ARFGEF2: variants seen among roughly 807,000 people sequenced by gnomAD.
ARFGEF2 encodes ARF guanine nucleotide exchange factor 2, also known as brefeldin A-inhibited guanine nucleotide-exchange protein 2.
In ARFGEF2, 74 loss-of-function variants were observed where a neutral mutation model predicts 219.9. The ratio of observed to expected loss-of-function variants is 0.34; its 90% CI spans 0.28 to 0.41. The LOEUF (loss-of-function observed/expected upper bound fraction) is 0.41, where lower values mean the gene tolerates loss of function less well. ARFGEF2 is among the 10% of genes least tolerant of loss of function. The probability of loss-of-function intolerance (pLI) is 1.00; values close to 1 mark genes in which losing one functional copy is unlikely to be tolerated. For missense variants in ARFGEF2, 1,743 were observed against 2,218.3 expected, an observed-to-expected ratio of 0.79 and a Z score of 4.30; for synonymous variants, 733 against 799.2, an observed-to-expected ratio of 0.92 and a Z score of 1.40.
chr20:48,935,939 G>T (rs1279308666), intron 1 of ARFGEF2, among the ~76,000 whole-genome samples: 2 of 130,668 alleles, frequency 1.5e-5, no homozygotes, highest in Non-Finnish European at 3.2e-5. Context: ...CGGCTGGCCG[G>T]GGGGGGGGGC....
chr20:48,924,789 A>T (rs995981413), intron 1 of ARFGEF2, among the ~76,000 whole-genome samples: 1 of 152,032 alleles, frequency 6.6e-6, no homozygotes, highest in Non-Finnish European at 1.5e-5. Flanking sequence ...GGGACCCTAG[A>T]CTTCTGTGTT....
chr20:48,929,148 G>A (rs1003525874), intron 1 of ARFGEF2, among the ~76,000 whole-genome samples: 2 of 152,198 alleles, frequency 1.3e-5, no homozygotes, highest in African/African-American at 4.8e-5. Flanking sequence ...TTTCCAGCAA[G>A]GTTATCCTAG....
At chr20:48,945,789 A>C (rs911629091) in intron 3 of ARFGEF2, among the ~76,000 whole-genome samples, 1 of 152,162 alleles carries the variant, frequency 6.6e-6, no homozygotes, top group East Asian at 1.9e-4. Flanking sequence ...GCTTGGGCCC[A>C]GGAGGTTGAG....
At chr20:48,989,171 G>C (rs1263190516) in intron 18 of ARFGEF2, 114 bp from the exon 19 acceptor site, 26 of 1,205,598 alleles carry the variant, frequency 2.2e-5, no homozygotes, top group Non-Finnish European at 2.9e-5. Flanking sequence ...ATGGACTCAC[G>C]AGATGGTTGG....
intron 16 of ARFGEF2, among the ~76,000 whole-genome samples, chr20:48,986,949 C>T (rs1431697710): frequency 3.9e-5 from 6 of 152,316 alleles, no homozygotes; most frequent in East Asian, 3.9e-4. Flanking sequence ...AAGGGATCCT[C>T]CTGCCTCAGC....
chr20:48,990,036 G>A (rs185392238), intron 20 of ARFGEF2, among the ~76,000 whole-genome samples: 6 of 152,218 alleles, frequency 3.9e-5, no homozygotes, highest in Admixed American at 1.3e-4. Flanking sequence ...AAAATTAGCC[G>A]GGTGTGGTGG....
intron 9 of ARFGEF2, 55 bp downstream of exon 9, chr20:48,969,332 G>A: frequency 6.2e-7 from 1 of 1,613,292 alleles, no homozygotes; most frequent in Non-Finnish European, 8.5e-7. Flanking sequence ...GCAGCACATG[G>A]TACTGTGTTT....
At chr20:48,925,828 C>T (rs1165505154) in intron 1 of ARFGEF2, among the ~76,000 whole-genome samples, 1 of 152,012 alleles carries the variant, frequency 6.6e-6, no homozygotes, top group Non-Finnish European at 1.5e-5. Context: ...CAGGGTGAGA[C>T]CCTCACACAA....
intron 25 of ARFGEF2, chr20:48,999,089 T>A: frequency 6.5e-6 from 2 of 308,478 alleles, no homozygotes; most frequent in South Asian, 5.3e-5. Context: ...TGCAAAAAAA[T>A]TAGCTGGGCG....
At chr20:48,979,743 A>G (rs1318789007) in intron 14 of ARFGEF2, among the ~76,000 whole-genome samples, 1 of 151,772 alleles carries the variant, frequency 6.6e-6, no homozygotes, top group East Asian at 1.9e-4. Context: ...TTGCTTCTAG[A>G]TTTTCTAGTT....
intron 9 of ARFGEF2, among the ~76,000 whole-genome samples, chr20:48,970,112 C>T (rs1016909578): frequency 6.6e-6 from 1 of 150,598 alleles, no homozygotes; most frequent in Non-Finnish European, 1.5e-5. Context: ...GCCAGGAGTT[C>T]GAGACCAGCC....
intron 1 of ARFGEF2, among the ~76,000 whole-genome samples, chr20:48,925,344 C>T (rs992807595): frequency 2.0e-5 from 3 of 152,158 alleles, no homozygotes; most frequent in Admixed American, 6.5e-5. Context: ...TGTTATGAAA[C>T]TTTGATATAT....
intron 5 of ARFGEF2, 125 bp downstream of exon 5, chr20:48,953,009 T>A: frequency 2.0e-6 from 2 of 996,214 alleles, no homozygotes; most frequent in South Asian, 2.7e-5. Context: ...CTGTGGATTC[T>A]CTGTACTGTG....
At chr20:49,003,794 T>G (rs1480487952) in intron 25 of ARFGEF2, among the ~76,000 whole-genome samples, 1 of 152,084 alleles carries the variant, frequency 6.6e-6, no homozygotes, top group African/African-American at 2.4e-5. Flanking sequence ...CAGCCAAATA[T>G]TTACCCATAA....
At chr20:49,014,944 G>A (rs2091521425) in intron 30 of ARFGEF2, among the ~76,000 whole-genome samples, 2 of 152,166 alleles carry the variant, frequency 1.3e-5, no homozygotes, top group Admixed American at 1.3e-4. Flanking sequence ...AGACCTTCAA[G>A]TGTTGCTTTC....
rs1345176351 is a variant in ARFGEF2 at position 48,953,710 on chromosome 20, G to C, written c.758G>C (p.Gly253Ala). 6.2e-7 allele frequency: 1 copy of C among 1,614,024 alleles called. No individual in the cohort carries two copies. Among genetic ancestry groups the C allele is most frequent in the Non-Finnish European group, 8.5e-7 (1 of 1,180,048 alleles). ...TTPEKTDLTN[G>A]EHARSDSGKV... ...CCCGAAAAAACAGATTTAACCAACG[G>C]TGAACATGCCAGGAGTGATTCTGGA... Residue 253 changes from glycine to alanine, a missense_variant, in exon 6 of 39, where the codon GGT becomes GCT. By Grantham distance (60) the Gly-to-Ala change is moderately conservative. Around this residue, in one of 5 missense-constraint regions of ARFGEF2, gnomAD observed 394 missense variants for 426.6 expected, o/e 0.92. Transcript: ENST00000371917.
In ARFGEF2 at chr20:49,028,720, T is replaced by C. The variant is rs367924767; in HGVS notation, c.5063+52T>C. ...TTCTATCTGCTATATACAAAATGCA[T>C]CACAGCAATACTGTGGATTGAAAAG... On this transcript the variant is annotated intron_variant, in intron 37 of 38. Transcript: ENST00000371917. The C allele has an allele frequency of 5.5e-5, 86 of 1,570,942 alleles. 1 individual carries two copies. In the African/African-American group the frequency reaches 1.1e-3, roughly 19 times the overall value.
At chr20:48,991,896 G>A (rs1356447853) in intron 21 of ARFGEF2, among the ~76,000 whole-genome samples, 1 of 152,174 alleles carries the variant, frequency 6.6e-6, no homozygotes, top group Non-Finnish European at 1.5e-5. Flanking sequence ...TACTACCTAA[G>A]AAATGTTCTA....
At position 49,034,841 on chromosome 20, in the gene ARFGEF2, T is replaced by C. The variant is rs904703235; in HGVS notation, c.*1642T>C. On this transcript the variant is annotated 3_prime_UTR_variant, in exon 39 of 39. Transcript: ENST00000371917. ...GGCCAGCAGAATTCTTGTCTACTTT[T>C]TTCTTTCCCAAAAAGTGTTTTTTAA... The C allele has an allele frequency of 6.6e-6, 1 of 152,236 alleles. No homozygotes were observed. Among genetic ancestry groups the C allele is most frequent in the African/African-American group, 2.4e-5 (1 of 41,448 alleles). The allele number at this position is 152,236 out of a possible 1,614,324, so 9.4% of individuals were successfully genotyped here.
Sources: allele counts gnomAD v4.1 joint callset (sites outside exome capture counted in the v4.1 genomes callset), GRCh38; gene constraint gnomAD v4.1.1; regional missense constraint gnomAD v4.1.1; transcripts MANE v1.5; gene names NCBI Gene and HGNC (gene_info 2026-07-23, HGNC 2026-07-21).